PEX10: variants seen among roughly 807,000 people sequenced by gnomAD.
The protein encoded by PEX10 is peroxisomal biogenesis factor 10, also known as peroxisome biogenesis factor 10.
A neutral mutation model predicts 38.0 loss-of-function variants in PEX10; 32 were observed. The observed-to-expected ratio is 0.84, with a 90% CI of 0.63 to 1.13. The LOEUF (loss-of-function observed/expected upper bound fraction) is 1.13, where lower values mean the gene tolerates loss of function less well. Ranked by LOEUF, PEX10 falls within the 50% of genes most tolerant of loss-of-function variation. PEX10 has a pLI of 0.00. For missense variants in PEX10, 483 were observed against 457.7 expected (o/e 1.06, Z -0.51); for synonymous variants, 206 against 207.3 (o/e 0.99, Z 0.05).
rs994009655 is a variant in PEX10 at position 2,405,270 on chromosome 1, C to T, written c.*496G>A. The T allele has an allele frequency of 2.5e-5, 7 of 284,882 alleles. No homozygotes were observed. The highest frequency in any genetic ancestry group is 1.6e-4 in the African/African-American group (7 of 44,936). 17.6% of individuals were successfully genotyped at this position (284,882 alleles called of 1,614,324 possible). On this transcript the variant is annotated 3_prime_UTR_variant, in exon 6 of 6. Coordinates refer to ENST00000447513, the MANE Select transcript of PEX10 (RefSeq NM_002617.4). Reference sequence around the variant, plus strand: ...CCGCCCTCGGGGAGAGCAGCGCCGCCTCCCATGGGGCCGTGGGGCTGCTGT... The same window carrying T: ...CCGCCCTCGGGGAGAGCAGCGCCGCTTCCCATGGGGCCGTGGGGCTGCTGT...
At chr1:2,412,740 G>T (rs1643302237), upstream of PEX10, among the ~76,000 whole-genome samples, 1 of 151,360 alleles carries the variant, frequency 6.6e-6, no homozygotes, top group South Asian at 2.1e-4. Flanking sequence ...GGCGCAGGGC[G>T]GAGCGGAGCG....
intron 5 of PEX10, 31 bp from the exon 6 acceptor site, chr1:2,405,865 C>T (rs1194934036): frequency 6.5e-7 from 1 of 1,534,384 alleles, no homozygotes; most frequent in East Asian, 2.4e-5. Context: ...GTCACAGCAG[C>T]TGGGGCCACT....
At position 2,410,486 on chromosome 1, in the gene PEX10, G is replaced by A. The variant is rs1432886934; in HGVS notation, c.113-35C>T. ...GAAACAGTATTAGTCCGGGGGAGCT[G>A]GTGGGCATCCTCTGAGGATGAGGGA... On this transcript the variant is annotated intron_variant, in intron 1 of 5. Coordinates refer to ENST00000447513, the MANE Select transcript of PEX10 (RefSeq NM_002617.4). This position sits in a 1 kb window ranked among gnomAD's most constrained non-coding sequence, Gnocchi z 5.1. 3 of 1,593,018 alleles carry A rather than the reference G, an allele frequency of 1.9e-6. No individual in the cohort carries two copies.
intron 4 of PEX10, 27 bp downstream of exon 4, chr1:2,406,693 G>A: frequency 9.3e-6 from 15 of 1,609,710 alleles, no homozygotes; most frequent in Non-Finnish European, 1.3e-5. Context: ...GACACCCCCA[G>A]CCCCCATGTG....
intron 2 of PEX10, 72 bp from the exon 3 acceptor site, chr1:2,408,930 A>G: frequency 6.8e-7 from 1 of 1,480,812 alleles, no homozygotes; most frequent in Non-Finnish European, 9.3e-7. Flanking sequence ...CGCCCCTGCC[A>G]GCCGACCCTC....
At position 2,406,865 on chromosome 1, in the gene PEX10, G is replaced by T; in HGVS notation, c.631C>A (p.Leu211Met). The T allele has an allele frequency of 1.2e-6, 2 of 1,609,406 alleles. No homozygotes were observed. The highest frequency in any genetic ancestry group is 1.7e-6 in the Non-Finnish European group (2 of 1,178,216). The change falls in exon 4 of 6, where the codon CTG becomes ATG. Residue 211 changes from leucine to methionine, a missense_variant. Leu to Met is a conservative substitution (Grantham distance 15). Coordinates refer to ENST00000447513, the MANE Select transcript of PEX10 (RefSeq NM_002617.4). ...LRVRSLPGED[L>M]RARVSYRLLG... ...AGCCTGTAGCTAACACGGGCCCTCA[G>T]GTCCTCTCCGGGCAGGCTGCGGACA...
At position 2,405,768 on chromosome 1, in the gene PEX10, A is replaced by T; in HGVS notation, c.979T>A (p.Ter327ArgextTer21). Residue 327 changes from the stop codon to arginine, a stop_lost, in exon 6 of 6, where the codon TGA (stop) becomes AGA (arginine). Coordinates refer to ENST00000447513, the MANE Select transcript of PEX10 (RefSeq NM_002617.4). Reference protein sequence around the residue: ...QKLIYLRHYR* With the variant: ...QKLIYLRHYRR ...TCCAGGCCCACCCGGGCGCCGGCTC[A>T]GCGGTAGTGCCGAAGGTAGATGAGC... The T allele has an allele frequency of 1.9e-6, 3 of 1,601,542 alleles. No homozygotes were observed. Among genetic ancestry groups the T allele is most frequent in the Non-Finnish European group, 2.6e-6 (3 of 1,174,466 alleles).
chr1:2,411,029 C>A (rs139821134), intron 1 of PEX10, among the ~76,000 whole-genome samples: 7 of 152,316 alleles, frequency 4.6e-5, no homozygotes, highest in African/African-American at 7.2e-5. Flanking sequence ...GGCTGCCCAC[C>A]TGACACCCAT....
At position 2,408,555 on chromosome 1, in the gene PEX10, A is replaced by G; in HGVS notation, c.497T>C (p.Val166Ala). 1.2e-6 allele frequency: 2 copies of G among 1,612,494 alleles called. No individual in the cohort carries two copies. Among genetic ancestry groups the G allele is most frequent in the African/African-American group, 1.3e-5 (1 of 75,064 alleles). ...QRRALLRAVFVLRQGLACLQR... is the reference protein window; with the variant it reads ...QRRALLRAVFALRQGLACLQR... ...GAGGCAGGCGAGGCCCTGTCTGAGG[A>G]CGAAGACCGCCCGCAGCAGCGCCCT... Residue 166 changes from valine (V) to alanine (A), a missense_variant, in exon 3 of 6, where the codon GTC (valine) becomes GCC (alanine). Physicochemically the swap from Val to Ala is moderately conservative, Grantham distance 64. Transcript: ENST00000447513.
intron 2 of PEX10, 46 bp from the exon 3 acceptor site, chr1:2,408,904 G>T: frequency 6.3e-7 from 1 of 1,589,296 alleles, no homozygotes; most frequent in Non-Finnish European, 8.6e-7. Context: ...CTGCTGCCGC[G>T]GGGACAGGCT....
upstream of PEX10, among the ~76,000 whole-genome samples, chr1:2,412,743 G>A (rs968745375): frequency 1.3e-5 from 2 of 151,354 alleles, no homozygotes; most frequent in Non-Finnish European, 2.9e-5. Context: ...GCAGGGCGGA[G>A]CGGAGCGGGG....
In PEX10 at chr1:2,404,581, C is replaced by G. The variant is rs531302531; in HGVS notation, c.*1185G>C. On this transcript the variant is annotated 3_prime_UTR_variant, in exon 6 of 6. Coordinates refer to ENST00000447513, the MANE Select transcript of PEX10 (RefSeq NM_002617.4). ...CCTCCCAGTCTAGAGGGTCACGGCC[C>G]CCCCGCCCTCCTCCGTCTCTGGCAA... is the stretch of plus-strand genomic sequence containing the variant. The G allele has an allele frequency of 6.6e-5, 10 of 152,368 alleles. No individual in the cohort carries two copies. The highest frequency in any genetic ancestry group is 1.2e-4 in the Non-Finnish European group (8 of 68,058). 9.4% of individuals were successfully genotyped at this position (152,368 alleles called of 1,614,324 possible).
Position 2,405,805 on chromosome 1 carries a change from G to A in PEX10, c.942C>T (p.Phe314=). 5.6e-6 allele frequency: 9 copies of A among 1,601,822 alleles called. No individual in the cohort carries two copies. The highest frequency in any genetic ancestry group is 6.8e-6 in the Non-Finnish European group (8 of 1,174,688). Residue 314 remains phenylalanine (F), a synonymous_variant, in exon 6 of 6, where the codon TTC becomes TTT. Coordinates refer to ENST00000447513, the MANE Select transcript of PEX10 (RefSeq NM_002617.4). ...GAAGGTAGATGAGCTTCTGGGGAGG[G>A]AACTTCTCCCGGCAGAGGGGACACT... is the stretch of plus-strand genomic sequence containing the variant. ...KAECPLCREK[F]PPQKLIYLRH... is the part of the protein sequence containing the mutation.
In PEX10 at chr1:2,410,690, G is replaced by A. The variant is rs758262648; in HGVS notation, c.113-239C>T. 1.5e-5 allele frequency: 9 copies of A among 590,492 alleles called. No homozygotes were observed. The highest frequency in any genetic ancestry group is 3.7e-5 in the East Asian group (1 of 27,136). The allele number at this position is 590,492 out of a possible 1,614,324, so 36.6% of individuals were successfully genotyped here. On this transcript the variant is annotated intron_variant, in intron 1 of 5. Coordinates refer to ENST00000447513, the MANE Select transcript of PEX10 (RefSeq NM_002617.4). The surrounding 1 kb of genome is among the most constrained non-coding windows in gnomAD (Gnocchi z 5.1). ...CCCACCTGTGCTCATCTCTTGCTCC[G>A]GGATTCCCCTGAGCAACTGTTCTAG...
rs1643137355 is a variant in PEX10, at chr1:2,410,017, C to T, written c.193+354G>A. ...TGGTGACCAGCCTGGGCCACAGACC[C>T]ACCACTGCTCCACCAGGGCACTGTC... On this transcript the variant is annotated intron_variant, in intron 2 of 5. Transcript: ENST00000447513. This position sits in a 1 kb window ranked among gnomAD's most constrained non-coding sequence, Gnocchi z 5.1. The T allele has an allele frequency of 2.9e-6, 1 of 345,246 alleles. No homozygotes were observed. The highest frequency in any genetic ancestry group is 5.7e-6 in the Non-Finnish European group (1 of 176,808). The allele number at this position is 345,246 out of a possible 1,614,324, so 21.4% of individuals were successfully genotyped here.
At position 2,412,498 on chromosome 1, in the gene PEX10, GC is replaced by G. The variant is rs62636524; in HGVS notation, c.4del (p.Ala2ProfsTer10). 15 of 1,364,232 alleles carry G rather than the reference GC, an allele frequency of 1.1e-5. No individual in the cohort carries two copies. The highest frequency in any genetic ancestry group is 1.5e-5 in the African/African-American group (1 of 65,654). 84.5% of individuals were successfully genotyped at this position (1,364,232 alleles called of 1,614,324 possible). A position where few individuals can be genotyped will look rare whatever the true frequency, so the allele number is the denominator to read the frequency against. Reference sequence around the variant, plus strand: ...CTCCGGGGGGCTGGCGGCGGCCGGGGCCATGGCCGCGGGTTCGGGTGGTCCC... The same window carrying G: ...CTCCGGGGGGCTGGCGGCGGCCGGGGCATGGCCGCGGGTTCGGGTGGTCCC... M[A>X]PAAASPPEVI... On this transcript the variant is annotated frameshift_variant, in exon 1 of 6. Coordinates refer to ENST00000447513, the MANE Select transcript of PEX10 (RefSeq NM_002617.4). LOFTEE classifies it high-confidence loss of function.
At chr1:2,413,047 G>A (rs1013313631), upstream of PEX10, among the ~76,000 whole-genome samples, 3 of 152,248 alleles carry the variant, frequency 2.0e-5, no homozygotes, top group Non-Finnish European at 4.4e-5. Context: ...TTTGAGCTGC[G>A]CGGGCTCTCA....
chr1:2,412,405 A>G lies in PEX10; in HGVS notation c.98T>C (p.Leu33Pro). The G allele has an allele frequency of 7.1e-7, 1 of 1,404,200 alleles. No individual in the cohort carries two copies. The highest frequency in any genetic ancestry group is 9.2e-7 in the Non-Finnish European group (1 of 1,083,296). 87.0% of individuals were successfully genotyped at this position (1,404,200 alleles called of 1,614,324 possible). Residue 33 changes from leucine (L) to proline (P), a missense_variant, in exon 1 of 6, where the codon CTG becomes CCG. Transcript: ENST00000447513. The part of the protein sequence containing the change: ...GGLRSAAGGA[L>P]HSLAGARKWL... ...CCGGCCCTCACCCGCCAGGCTGTGCAGGGCGCCGCCCGCCGCGCTCCGCAG... is the reference window on the plus strand; with the variant it reads ...CCGGCCCTCACCCGCCAGGCTGTGCGGGGCGCCGCCCGCCGCGCTCCGCAG...
rs529280054 is a variant in PEX10, at chr1:2,405,282, C to T, written c.*484G>A. 2.0e-5 allele frequency: 6 copies of T among 293,648 alleles called. No individual in the cohort carries two copies. The highest frequency in any genetic ancestry group is 8.8e-5 in the African/African-American group (4 of 45,254). 18.2% of individuals were successfully genotyped at this position (293,648 alleles called of 1,614,324 possible). A position where few individuals can be genotyped will look rare whatever the true frequency, so the allele number is the denominator to read the frequency against. On this transcript the variant is annotated 3_prime_UTR_variant, in exon 6 of 6. Coordinates refer to ENST00000447513, the MANE Select transcript of PEX10 (RefSeq NM_002617.4). ...AGAGCAGCGCCGCCTCCCATGGGGC[C>T]GTGGGGCTGCTGTTCTCACTGCACT... is the stretch of plus-strand genomic sequence containing the variant.
Sources: allele counts gnomAD v4.1 joint callset (sites outside exome capture counted in the v4.1 genomes callset), GRCh38; gene constraint gnomAD v4.1.1; non-coding constraint Gnocchi (gnomAD v3.1); transcripts MANE v1.5; gene names NCBI Gene and HGNC (gene_info 2026-07-23, HGNC 2026-07-21).